Variants in KIAA0513 observed in about 807,000 individuals in gnomAD.
The protein encoded by KIAA0513 is uncharacterized protein KIAA0513.
Under a neutral mutation model 56.5 loss-of-function variants are expected in KIAA0513, and 39 were observed. The observed-to-expected ratio is 0.69, with a 90% CI of 0.53 to 0.90. The LOEUF (loss-of-function observed/expected upper bound fraction) is 0.90, where lower values mean the gene tolerates loss of function less well. Among genes scored for constraint, KIAA0513 ranks in the 40% least tolerant of loss-of-function variants. The pLI is 0.00. For synonymous variants in KIAA0513, 268 were observed against 215.6 expected, an observed-to-expected ratio of 1.24 and a Z score of -2.13; for missense variants, 591 against 535.2, an observed-to-expected ratio of 1.10 and a Z score of -1.03.
Position 85,090,083 on chromosome 16 carries a change from A to C in KIAA0513, c.*1758A>C, listed in dbSNP as rs1444582596. On this transcript the variant is annotated 3_prime_UTR_variant, in exon 13 of 13. Transcript: ENST00000683363. ...CTGGGGAGTTGTGCAGGCTGGGGTG[A>C]CCCTTCCCCCATCATTGGGCCCCAA... The C allele has an allele frequency of 6.6e-6, 1 of 151,790 alleles. No homozygotes were observed. Among genetic ancestry groups the C allele is most frequent in the Non-Finnish European group, 1.5e-5 (1 of 67,998 alleles). The allele number at this position is 151,790 out of a possible 1,614,324, so 9.4% of individuals were successfully genotyped here.
intron 1 of KIAA0513, among the ~76,000 whole-genome samples, chr16:85,046,951 T>A (rs1340982026): frequency 6.6e-6 from 1 of 152,230 alleles, no homozygotes; most frequent in African/African-American, 2.4e-5. Flanking sequence ...GATCATCTTT[T>A]CCCATGCGAG....
chr16:85,070,214 T>C (rs1231376943), intron 2 of KIAA0513, among the ~76,000 whole-genome samples: 2 of 151,740 alleles, frequency 1.3e-5, no homozygotes, highest in Non-Finnish European at 2.9e-5. Context: ...CGTTTTACTC[T>C]GCAGAGTCCA....
At position 85,092,294 on chromosome 16, in the gene KIAA0513, C is replaced by G. The variant is rs1489325666; in HGVS notation, c.*3969C>G. ...TCCAGCTAGGCCCGTGTGGTTAGAT[C>G]AGCTTTGTTACTGAATTACCTAAAA... On this transcript the variant is annotated 3_prime_UTR_variant, in exon 13 of 13. Transcript: ENST00000683363. 6.6e-6 allele frequency: 1 copy of G among 152,214 alleles called. No homozygotes were observed. Among genetic ancestry groups the G allele is most frequent in the East Asian group, 1.9e-4 (1 of 5,188 alleles). 9.4% of individuals were successfully genotyped at this position (152,214 alleles called of 1,614,324 possible). A position where few individuals can be genotyped will look rare whatever the true frequency, so the allele number is the denominator to read the frequency against.
chr16:85,080,044 G>A (rs971249766), intron 8 of KIAA0513, among the ~76,000 whole-genome samples: 4 of 152,170 alleles, frequency 2.6e-5, no homozygotes, highest in Admixed American at 1.3e-4. Context: ...CATTTTGCCC[G>A]TTAACCAAGC....
At chr16:85,087,301 AGACGG>A in intron 12 of KIAA0513, 135 bp downstream of exon 12, 1 of 694,224 alleles carries the variant, frequency 1.4e-6, no homozygotes, top group Non-Finnish European at 2.6e-6. Flanking sequence ...AGCTCTCGGC[AGACGG>A]CCCCTCCTTT....
chr16:85,053,777 A>G (rs2073288349), intron 1 of KIAA0513, among the ~76,000 whole-genome samples: 1 of 152,126 alleles, frequency 6.6e-6, no homozygotes, highest in Non-Finnish European at 1.5e-5. Flanking sequence ...GCGGATCACA[A>G]GGTCAAAAGA....
intron 2 of KIAA0513, 137 bp from the exon 3 acceptor site, chr16:85,071,646 T>G: frequency 1.5e-6 from 1 of 673,854 alleles, no homozygotes. Context: ...GAGGCTGAGA[T>G]GAGCTGATGG....
intron 1 of KIAA0513, among the ~76,000 whole-genome samples, chr16:85,065,352 G>A (rs2073464747): frequency 6.6e-6 from 1 of 152,220 alleles, no homozygotes; most frequent in Non-Finnish European, 1.5e-5. Flanking sequence ...TCCCTGAGCT[G>A]TAGCCACTGC....
chr16:85,043,401 ATTTTTTTTTTTTTT>A (rs761248323), intron 1 of KIAA0513, among the ~76,000 whole-genome samples: 2 of 77,910 alleles, frequency 2.6e-5, no homozygotes, highest in African/African-American at 1.1e-4. Context: ...TGCTTCTTGG[ATTTTTTTTTTTTTT>A]TTTTTTTTTT....
chr16:85,082,438 T>G (rs1397464215), intron 9 of KIAA0513, 126 bp from the exon 10 acceptor site: 28 of 862,292 alleles, frequency 3.2e-5, no homozygotes, highest in Non-Finnish European at 1.7e-5. Context: ...AATATTCCTG[T>G]CTTTCTCTGT....
chr16:85,088,206 G>A, intron 12 of KIAA0513, 70 bp from the exon 13 acceptor site: 1 of 1,453,344 alleles, frequency 6.9e-7, no homozygotes, highest in Non-Finnish European at 9.6e-7. Context: ...CTGTCCGAGT[G>A]ACAAGAGCAG....
At chr16:85,086,846 C>T in intron 11 of KIAA0513, 122 bp downstream of exon 11, 7 of 959,960 alleles carry the variant, frequency 7.3e-6, no homozygotes, top group Non-Finnish European at 9.5e-6. Context: ...GGGTTCATCA[C>T]ACTTGGCCTC....
At chr16:85,069,390 A>G (rs1345527673) in intron 2 of KIAA0513, among the ~76,000 whole-genome samples, 1 of 151,982 alleles carries the variant, frequency 6.6e-6, no homozygotes, top group African/African-American at 2.4e-5. Flanking sequence ...CTGATTCAGA[A>G]GCAGCTGTTT....
chr16:85,038,271 C>T (rs777329117), intron 1 of KIAA0513, among the ~76,000 whole-genome samples: 4 of 152,256 alleles, frequency 2.6e-5, no homozygotes, highest in Non-Finnish European at 5.9e-5. Context: ...GACCTCCCCG[C>T]TTTCTCCGGC....
intron 1 of KIAA0513, among the ~76,000 whole-genome samples, chr16:85,062,214 A>C (rs2073416243): frequency 8.0e-6 from 1 of 125,072 alleles, no homozygotes; most frequent in Non-Finnish European, 1.5e-5. Context: ...GTACGTAAAC[A>C]CACACACACA....
rs2144115652 is a variant in KIAA0513 at position 85,088,347 on chromosome 16, A to G, written c.*22A>G. On this transcript the variant is annotated 3_prime_UTR_variant, in exon 13 of 13. Transcript: ENST00000683363. ...GTAGGCCCCAGAGGTCGCACTCCGC[A>G]GGAGGACTGAGGCCATGTGCCATTC... 1 of 1,602,026 alleles carries G rather than the reference A, an allele frequency of 6.2e-7. No individual in the cohort carries two copies. Among genetic ancestry groups the G allele is most frequent in the African/African-American group, 1.3e-5 (1 of 74,976 alleles).
rs748801312 is a variant in KIAA0513 at position 85,075,832 on chromosome 16, C to G, written c.504-12C>G. On this transcript the variant is annotated splice_polypyrimidine_tract_variant and intron_variant, in intron 4 of 12. Coordinates refer to ENST00000683363, the MANE Select transcript of KIAA0513 (RefSeq NM_001388359.1). ...AGCGATCTTTAGCCATGAGCCTTGC[C>G]TCTTGTTTCAGGTGTCATCAGATGG... is the stretch of plus-strand genomic sequence containing the variant. 6.2e-7 allele frequency: 1 copy of G among 1,613,984 alleles called. No individual in the cohort carries two copies. Among genetic ancestry groups the G allele is most frequent in the East Asian group, 2.2e-5 (1 of 44,886 alleles).
intron 1 of KIAA0513, among the ~76,000 whole-genome samples, chr16:85,039,513 A>G (rs1163564066): frequency 6.6e-6 from 1 of 152,102 alleles, no homozygotes; most frequent in Non-Finnish European, 1.5e-5. Flanking sequence ...TGTGTTGCCC[A>G]TGCTGGTCTT....
Position 85,086,711 on chromosome 16 carries a change from T to G in KIAA0513, c.1078T>G (p.Phe360Val), listed in dbSNP as rs1391323122. 1 of 1,613,278 alleles carries G rather than the reference T, an allele frequency of 6.2e-7. No homozygotes were observed. The highest frequency in any genetic ancestry group is 8.5e-7 in the Non-Finnish European group (1 of 1,179,866). ...DSLRFNENIT[F>V]GQLGTFTHNM... is the part of the protein sequence containing the mutation. ...CCTCCGGTTCAACGAGAACATCACC[T>G]TCGGGCAGCTGGGGTAAGGGCCAGA... The change falls in exon 11 of 13, where the codon TTC becomes GTC. Residue 360 changes from phenylalanine to valine, a missense_variant. By Grantham distance (50) the Phe-to-Val change is conservative. Coordinates refer to ENST00000683363, the MANE Select transcript of KIAA0513 (RefSeq NM_001388359.1).
Sources: gnomAD v4.1 joint callset for allele counts (sites outside exome capture counted in the v4.1 genomes callset) on GRCh38, gnomAD v4.1.1 for gene constraint, MANE v1.5 for transcripts, NCBI Gene and HGNC (gene_info 2026-07-23, HGNC 2026-07-21) for gene names.